The following TENM2 variants were observed in gnomAD, a reference collection of about 807,000 sequenced individuals.
The protein encoded by TENM2 is teneurin-2.
Under a neutral mutation model 245.2 loss-of-function variants are expected in TENM2, and 52 were observed. The observed-to-expected ratio is 0.21, with a 90% CI of 0.17 to 0.27. The LOEUF (loss-of-function observed/expected upper bound fraction) is 0.27, where lower values mean the gene tolerates loss of function less well. Among genes scored for constraint, TENM2 ranks in the 10% least tolerant of loss-of-function variants. TENM2 has a pLI of 1.00. For synonymous variants in TENM2, 1,363 were observed against 1,438.9 expected, an observed-to-expected ratio of 0.95 and a Z score of 1.19; for missense variants, 3,046 against 3,666.8, an observed-to-expected ratio of 0.83 and a Z score of 4.37.
At chr5:167,609,487 G>GAAAAAAAA (rs1777299333) in intron 2 of TENM2, among the ~76,000 whole-genome samples, 1 of 28,418 alleles carries the variant, frequency 3.5e-5, no homozygotes, top group East Asian at 2.1e-3. Context: ...GCCTGATGAT[G>GAAAAAAAA]CAAAAAAAAA....
At chr5:167,801,110 ATATATATATATAT>A (rs1312077596) in intron 2 of TENM2, among the ~76,000 whole-genome samples, 3,179 of 62,540 alleles carry the variant, frequency 0.051, 275 homozygotes, top group East Asian at 0.19. Flanking sequence ...AAAAAAAAAA[ATATATATATATAT>A]ATATATATAT....
the TENM2 span, among the ~76,000 whole-genome samples, chr5:167,135,226 C>G: frequency 6.6e-6 from 1 of 152,122 alleles, no homozygotes; most frequent in East Asian, 1.9e-4. Flanking sequence ...GTTTTGCTAG[C>G]ACTTTCAAAA....
the TENM2 span, among the ~76,000 whole-genome samples, chr5:167,016,261 AAAAC>A: frequency 1.0e-4 from 12 of 117,134 alleles, no homozygotes; most frequent in African/African-American, 2.9e-4. Flanking sequence ...CTCAAAAAAA[AAAAC>A]AAACAAACAA....
At chr5:167,162,951 A>C in the TENM2 span, among the ~76,000 whole-genome samples, 1 of 152,140 alleles carries the variant, frequency 6.6e-6, no homozygotes, top group Non-Finnish European at 1.5e-5. Context: ...AATGGGTAGA[A>C]TGTGCTACAA....
At chr5:167,164,770 C>T in the TENM2 span, among the ~76,000 whole-genome samples, 2,698 of 152,122 alleles carry the variant, frequency 0.018, 65 homozygotes, top group African/African-American at 0.061. Context: ...ATAGATATCT[C>T]GAATCTCGAA....
intron 2 of TENM2, among the ~76,000 whole-genome samples, chr5:167,396,409 C>T (rs1762056606): frequency 6.6e-6 from 1 of 152,076 alleles, no homozygotes; most frequent in African/African-American, 2.4e-5. Context: ...CTAAGATAAT[C>T]AAACTCATAA....
At chr5:167,234,353 T>C in the TENM2 span, among the ~76,000 whole-genome samples, 1 of 152,222 alleles carries the variant, frequency 6.6e-6, no homozygotes, top group Admixed American at 6.5e-5. Context: ...AACTTCTTTA[T>C]GGTAACAGTG....
upstream of TENM2, among the ~76,000 whole-genome samples, chr5:167,282,389 C>A (rs747939482): frequency 6.6e-6 from 1 of 152,086 alleles, no homozygotes; most frequent in Non-Finnish European, 1.5e-5. Context: ...GGATTTATAT[C>A]GTCATCTTCC....
rs1325143742 is a variant in TENM2, at chr5:168,218,577, T to C, written c.4686T>C (p.Leu1562=). 6.2e-7 allele frequency: 1 copy of C among 1,613,992 alleles called. No homozygotes were observed. Among genetic ancestry groups the C allele is most frequent in the South Asian group, 1.1e-5 (1 of 91,080 alleles). ...ATGGTACCATTTACATTGCAGACCTTGGAAATATTCGGATCAGGGCGGTCA... is the reference window on the plus strand; with the variant it reads ...ATGGTACCATTTACATTGCAGACCTCGGAAATATTCGGATCAGGGCGGTCA... The change falls in exon 23 of 29, where the codon CTT becomes CTC. Residue 1562 remains leucine, a synonymous_variant. Transcript: ENST00000518659. This position sits in a 1 kb window ranked among gnomAD's most constrained non-coding sequence, Gnocchi z 5.2.
intron 12 of TENM2, among the ~76,000 whole-genome samples, chr5:168,144,855 T>G (rs1404190815): frequency 6.6e-6 from 1 of 150,688 alleles, no homozygotes; most frequent in Non-Finnish European, 1.5e-5. Context: ...TTTCCTGACT[T>G]TTTAATGATT....
chr5:168,157,695 T>TA (rs1386928698), intron 12 of TENM2, among the ~76,000 whole-genome samples: 4 of 152,094 alleles, frequency 2.6e-5, no homozygotes, highest in Non-Finnish European at 5.9e-5. Flanking sequence ...ATGGGGTAGA[T>TA]ACCTGGATGT....
the TENM2 span, among the ~76,000 whole-genome samples, chr5:167,226,851 T>A: frequency 1.3e-5 from 2 of 152,118 alleles, no homozygotes; most frequent in African/African-American, 4.8e-5. Context: ...GTTTTATGAA[T>A]CTGGGTGCTC....
At chr5:168,113,416 T>G (rs1033640193) in intron 9 of TENM2, among the ~76,000 whole-genome samples, 1 of 152,174 alleles carries the variant, frequency 6.6e-6, no homozygotes, top group Non-Finnish European at 1.5e-5. Flanking sequence ...CCTCTACACA[T>G]CTAGTCCAGC....
At chr5:168,176,448 GTTC>G (rs1294511143) in intron 13 of TENM2, among the ~76,000 whole-genome samples, 2 of 152,256 alleles carry the variant, frequency 1.3e-5, no homozygotes, top group Admixed American at 1.3e-4. Context: ...TGCTCAGAGT[GTTC>G]TTCTTCCAGA....
the TENM2 span, among the ~76,000 whole-genome samples, chr5:167,045,138 G>A: frequency 6.6e-6 from 1 of 152,110 alleles, no homozygotes; most frequent in South Asian, 2.1e-4. Flanking sequence ...AGAAGAGGAG[G>A]ATACCATGGG....
chr5:167,158,515 C>T, the TENM2 span, among the ~76,000 whole-genome samples: 18 of 152,216 alleles, frequency 1.2e-4, 2 homozygotes, highest in Admixed American at 4.6e-4. Flanking sequence ...GTGGCTTCAA[C>T]GAAAAAGCAT....
intron 2 of TENM2, among the ~76,000 whole-genome samples, chr5:167,776,120 A>ATATG (rs1763746761): frequency 1.5e-5 from 2 of 134,808 alleles, no homozygotes; most frequent in Middle Eastern, 3.6e-3. Flanking sequence ...ACAAAATAAT[A>ATATG]TATGAATTAT....
chr5:168,164,349 A>G (rs1758019423), intron 13 of TENM2, among the ~76,000 whole-genome samples: 1 of 152,112 alleles, frequency 6.6e-6, no homozygotes, highest in African/African-American at 2.4e-5. Context: ...TTTGTTAGCC[A>G]TAGATACTAT....
At chr5:167,316,266 TTTG>T (rs1756358178) in intron 1 of TENM2, among the ~76,000 whole-genome samples, 2 of 152,200 alleles carry the variant, frequency 1.3e-5, no homozygotes, top group Admixed American at 1.3e-4. Flanking sequence ...ATCATAAATA[TTTG>T]TTGAGTGAGA....
Sources: allele counts gnomAD v4.1 joint callset (sites outside exome capture counted in the v4.1 genomes callset), GRCh38; gene constraint gnomAD v4.1.1; non-coding constraint Gnocchi (gnomAD v3.1); transcripts MANE v1.5; gene names NCBI Gene and HGNC (gene_info 2026-07-23, HGNC 2026-07-21).